Variants in MAP4 observed in about 807,000 individuals in gnomAD.
MAP4 encodes microtubule-associated protein 4.
MAP4 carries 76 observed loss-of-function variants against 170.2 expected under a neutral mutation model. The ratio of observed to expected loss-of-function variants is 0.45; its 90% CI spans 0.37 to 0.54. The LOEUF (loss-of-function observed/expected upper bound fraction) is 0.54, where lower values mean the gene tolerates loss of function less well. MAP4 is among the 20% of genes least tolerant of loss of function. The pLI is 0.00. For synonymous variants in MAP4, 909 were observed against 994.5 expected (o/e 0.91, Z 1.62); for missense variants, 2,506 against 2,748.0 (o/e 0.91, Z 1.97).
intron 3 of MAP4, among the ~76,000 whole-genome samples, chr3:47,941,136 C>A (rs1468144584): frequency 6.7e-6 from 1 of 149,976 alleles, no homozygotes; most frequent in Non-Finnish European, 1.5e-5. Flanking sequence ...ACCTCGGCCT[C>A]CCAAAGTCCT....
intron 1 of MAP4, among the ~76,000 whole-genome samples, chr3:48,038,003 C>T (rs2100119616): frequency 7.3e-6 from 1 of 136,832 alleles, no homozygotes; most frequent in Non-Finnish European, 1.6e-5. Flanking sequence ...GCCATCTCTA[C>T]TAAATATACA....
intron 10 of MAP4, chr3:47,892,190 G>A (rs1227819840): frequency 3.3e-6 from 5 of 1,536,362 alleles, no homozygotes; most frequent in Middle Eastern, 3.3e-4. Flanking sequence ...AAGGTGACCT[G>A]AGGCTTCTTG....
At chr3:47,903,532 C>CAAA (rs983850258) in intron 9 of MAP4, among the ~76,000 whole-genome samples, 7 of 56,010 alleles carry the variant, frequency 1.2e-4, no homozygotes, top group African/African-American at 3.9e-4. Context: ...GACTCCGTCT[C>CAAA]AAAAAAAAAA....
intron 3 of MAP4, among the ~76,000 whole-genome samples, chr3:47,953,394 T>C (rs915156435): frequency 1.3e-5 from 2 of 151,964 alleles, no homozygotes; most frequent in African/African-American, 4.8e-5. Context: ...CAGTGTCACA[T>C]GCCTGTAATC....
chr3:48,023,713 T>C (rs1196908335), intron 1 of MAP4, among the ~76,000 whole-genome samples: 1 of 152,222 alleles, frequency 6.6e-6, no homozygotes, highest in Non-Finnish European at 1.5e-5. Flanking sequence ...CTATTGTTTT[T>C]CTTATACAAG....
At chr3:47,928,151 A>T in intron 4 of MAP4, 77 bp downstream of exon 4, 1 of 1,569,372 alleles carries the variant, frequency 6.4e-7, no homozygotes, top group Non-Finnish European at 8.7e-7. Flanking sequence ...AAGCATTTTC[A>T]TCTGAATGGT....
At chr3:47,869,160 G>A in intron 16 of MAP4, 54 bp downstream of exon 16, 1 of 1,363,160 alleles carries the variant, frequency 7.3e-7, no homozygotes, top group Non-Finnish European at 1.1e-6. Context: ...GCTCAGGCTG[G>A]AAGAAGTATT....
chr3:48,042,406 G>C (rs1429136653), intron 1 of MAP4, among the ~76,000 whole-genome samples: 2 of 152,118 alleles, frequency 1.3e-5, no homozygotes, highest in Non-Finnish European at 2.9e-5. Context: ...ACACACACCT[G>C]TATCTAAAAT....
At chr3:48,083,088 A>T (rs1302470665) in intron 1 of MAP4, among the ~76,000 whole-genome samples, 1 of 152,218 alleles carries the variant, frequency 6.6e-6, no homozygotes, top group Non-Finnish European at 1.5e-5. Flanking sequence ...GCAATGTGGT[A>T]TCCTGGATTG....
At chr3:47,948,129 C>G (rs1260626857) in intron 3 of MAP4, among the ~76,000 whole-genome samples, 1 of 151,582 alleles carries the variant, frequency 6.6e-6, no homozygotes, top group African/African-American at 2.4e-5. Flanking sequence ...TCCCAAGTAG[C>G]TGGGACTACA....
At chr3:47,863,079 C>G (rs192207237) in intron 17 of MAP4, among the ~76,000 whole-genome samples, 1 of 151,872 alleles carries the variant, frequency 6.6e-6, no homozygotes, top group Non-Finnish European at 1.5e-5. Context: ...CAGGATCAAG[C>G]GATTCTCTTG....
intron 1 of MAP4, among the ~76,000 whole-genome samples, chr3:48,062,816 C>T (rs1242990081): frequency 6.7e-6 from 1 of 150,246 alleles, no homozygotes; most frequent in Non-Finnish European, 1.5e-5. Flanking sequence ...CCCAGCTACT[C>T]GGGAGGCTGA....
rs187045589 is a variant in MAP4, at chr3:47,861,153, G to T, written c.6502-3641C>A. On this transcript the variant is annotated intron_variant, in intron 17 of 20. Coordinates refer to ENST00000683076, the MANE Select transcript of MAP4 (RefSeq NM_001385682.1). ...AGGTGGGTGGATCACCTGAGGTCAG[G>T]AGTTCAAGACCAGCCTGACCAATAT... 1.2e-4 allele frequency among the ~76,000 whole-genome samples: 18 copies of T among 152,262 alleles called. 1 individual carries two copies. The highest frequency in any genetic ancestry group is 7.2e-4 in the Admixed American group (11 of 15,296).
At chr3:47,882,212 A>T (rs1264692703) in intron 10 of MAP4, among the ~76,000 whole-genome samples, 1 of 152,110 alleles carries the variant, frequency 6.6e-6, no homozygotes, top group African/African-American at 2.4e-5. Context: ...CTGGGAAGTG[A>T]AGGTTGCAGT....
chr3:48,058,497 G>T (rs1220021534), intron 1 of MAP4, among the ~76,000 whole-genome samples: 2 of 152,138 alleles, frequency 1.3e-5, no homozygotes, highest in African/African-American at 4.8e-5. Context: ...ACTAGGTCTG[G>T]CTGAACAGGA....
chr3:47,891,490 AG>A, intron 10 of MAP4: 1 of 1,514,674 alleles, frequency 6.6e-7, no homozygotes, highest in Non-Finnish European at 8.8e-7. Context: ...TACTAGGGGG[AG>A]GCAGCAGGCC....
At chr3:47,995,480 A>AC (rs755945788) in intron 2 of MAP4, among the ~76,000 whole-genome samples, 4 of 151,932 alleles carry the variant, frequency 2.6e-5, no homozygotes, top group Admixed American at 6.6e-5. Flanking sequence ...CAAACTCCTG[A>AC]CCTCAGGTGA....
upstream of MAP4, among the ~76,000 whole-genome samples, chr3:48,020,069 A>G (rs537236983): frequency 2.6e-5 from 4 of 152,234 alleles, no homozygotes; most frequent in East Asian, 3.9e-4. Flanking sequence ...TATTTTTAGT[A>G]GAGACAGGGT....
intron 17 of MAP4, among the ~76,000 whole-genome samples, chr3:47,864,369 C>T (rs1004493151): frequency 2.0e-5 from 3 of 152,082 alleles, no homozygotes; most frequent in Non-Finnish European, 4.4e-5. Context: ...AGCAAAACCC[C>T]GTCTCTACTA....
Sources: gnomAD v4.1 joint callset for allele counts (sites outside exome capture counted in the v4.1 genomes callset) on GRCh38, gnomAD v4.1.1 for gene constraint, MANE v1.5 for transcripts, NCBI Gene and HGNC (gene_info 2026-07-23, HGNC 2026-07-21) for gene names.